The following CSMD3 variants were observed in gnomAD, a reference collection of about 807,000 sequenced individuals.
CSMD3 encodes the protein CUB and Sushi multiple domains 3.
A neutral mutation model predicts 435.2 loss-of-function variants in CSMD3; 177 were observed. That is an observed-to-expected ratio of 0.41 (90% confidence interval 0.36 to 0.46). The LOEUF (loss-of-function observed/expected upper bound fraction) is 0.46, where lower values mean the gene tolerates loss of function less well. Among genes scored for constraint, CSMD3 ranks in the 20% least tolerant of loss-of-function variants. The probability of loss-of-function intolerance (pLI) is 0.34; values close to 1 mark genes in which losing one functional copy is unlikely to be tolerated. For missense variants in CSMD3, 4,265 were observed against 4,504.6 expected (o/e 0.95, Z 1.52); for synonymous variants, 1,656 against 1,520.5 (o/e 1.09, Z -2.07).
At chr8:112,230,514 C>T (rs886274503) in intron 69 of CSMD3, among the ~76,000 whole-genome samples, 1 of 152,132 alleles carries the variant, frequency 6.6e-6, no homozygotes, top group African/African-American at 2.4e-5. Context: ...TTTGGCTGGG[C>T]ATGGTGGCTC....
intron 32 of CSMD3, among the ~76,000 whole-genome samples, chr8:112,443,138 G>T (rs1419342388): frequency 6.6e-6 from 1 of 152,154 alleles, no homozygotes; most frequent in Non-Finnish European, 1.5e-5. Flanking sequence ...CTTATGTAAA[G>T]TGCAAAGTGG....
At chr8:113,392,043 G>C (rs1238534166) in intron 1 of CSMD3, among the ~76,000 whole-genome samples, 2 of 151,806 alleles carry the variant, frequency 1.3e-5, no homozygotes, top group African/African-American at 4.8e-5. Flanking sequence ...AGACTCAGAG[G>C]AATCACATGC....
intron 13 of CSMD3, among the ~76,000 whole-genome samples, chr8:112,752,426 T>TCA (rs1471341948): frequency 6.6e-6 from 1 of 152,132 alleles, no homozygotes; most frequent in African/African-American, 2.4e-5. Flanking sequence ...TCTCCTACCT[T>TCA]CAGACTCATG....
At chr8:112,465,473 A>T (rs916896510) in intron 32 of CSMD3, among the ~76,000 whole-genome samples, 1 of 152,124 alleles carries the variant, frequency 6.6e-6, no homozygotes, top group African/African-American at 2.4e-5. Flanking sequence ...TGAGAGGCAG[A>T]TCATGTTCAA....
chr8:112,847,516 CT>C (rs756690150), intron 11 of CSMD3, among the ~76,000 whole-genome samples: 10 of 152,144 alleles, frequency 6.6e-5, no homozygotes, highest in Non-Finnish European at 1.5e-4. Context: ...TGTCCTGCCT[CT>C]CCCACTCCCT....
chr8:113,079,396 T>C (rs1209914022), intron 5 of CSMD3, among the ~76,000 whole-genome samples: 12 of 152,124 alleles, frequency 7.9e-5, no homozygotes, highest in Admixed American at 7.2e-4. Flanking sequence ...AGTGAGACAA[T>C]GACTGGAACA....
chr8:112,442,931 G>C (rs1446833620), intron 32 of CSMD3, among the ~76,000 whole-genome samples: 2 of 152,164 alleles, frequency 1.3e-5, no homozygotes, highest in Admixed American at 1.3e-4. Context: ...TGTCTACTAT[G>C]GAACTGTTAT....
intron 41 of CSMD3, among the ~76,000 whole-genome samples, chr8:112,344,385 T>G (rs1183190755): frequency 1.3e-5 from 2 of 152,172 alleles, no homozygotes; most frequent in Non-Finnish European, 2.9e-5. Flanking sequence ...TGCCATACAT[T>G]TTATCTCCAG....
intron 4 of CSMD3, among the ~76,000 whole-genome samples, chr8:113,114,114 A>G (rs1431539401): frequency 6.6e-6 from 1 of 152,188 alleles, no homozygotes; most frequent in Non-Finnish European, 1.5e-5. Context: ...AGACAGGTAC[A>G]ATAATAATCA....
At chr8:112,919,907 T>C (rs2082683982) in intron 10 of CSMD3, among the ~76,000 whole-genome samples, 1 of 151,886 alleles carries the variant, frequency 6.6e-6, no homozygotes, top group South Asian at 2.1e-4. Context: ...TAGGAATACT[T>C]GAATTTTATA....
At chr8:112,504,990 A>G in intron 29 of CSMD3, among the ~76,000 whole-genome samples, 1 of 152,182 alleles carries the variant, frequency 6.6e-6, no homozygotes, top group East Asian at 1.9e-4. Context: ...GCATCTAAGC[A>G]ATAGATTTGT....
intron 23 of CSMD3, among the ~76,000 whole-genome samples, chr8:112,576,461 C>A (rs1055905566): frequency 6.6e-6 from 1 of 151,942 alleles, no homozygotes. Context: ...AGATCAAAAA[C>A]AAATTAACAC....
chr8:112,857,006 A>G (rs192258423), intron 11 of CSMD3, among the ~76,000 whole-genome samples: 7 of 151,966 alleles, frequency 4.6e-5, no homozygotes, highest in African/African-American at 1.4e-4. Flanking sequence ...ATGTTTTAAT[A>G]ATAAACAGAT....
chr8:112,574,135 A>T (rs576888134), intron 23 of CSMD3, among the ~76,000 whole-genome samples: 1 of 152,202 alleles, frequency 6.6e-6, no homozygotes, highest in African/African-American at 2.4e-5. Flanking sequence ...TGACATTTTT[A>T]AAATATTAAA....
intron 1 of CSMD3, among the ~76,000 whole-genome samples, chr8:113,366,442 C>T (rs1563750381): frequency 6.6e-6 from 1 of 151,918 alleles, no homozygotes; most frequent in East Asian, 1.9e-4. Context: ...AAACCAAATA[C>T]CTTACTAAGA....
At chr8:112,731,312 G>A (rs897673096) in intron 13 of CSMD3, among the ~76,000 whole-genome samples, 1 of 152,024 alleles carries the variant, frequency 6.6e-6, no homozygotes, top group African/African-American at 2.4e-5. Context: ...AATGAGAAAG[G>A]TCATACCATA....
intron 23 of CSMD3, among the ~76,000 whole-genome samples, chr8:112,585,337 A>AT (rs905597305): frequency 2.0e-5 from 3 of 151,376 alleles, no homozygotes; most frequent in African/African-American, 7.3e-5. Flanking sequence ...GAGGACATAA[A>AT]TTTTTTAACT....
chr8:113,073,825 T>A (rs1388429839), intron 5 of CSMD3, among the ~76,000 whole-genome samples: 1 of 151,800 alleles, frequency 6.6e-6, no homozygotes, highest in East Asian at 1.9e-4. Context: ...CTAATTTTAG[T>A]CCCTATGTTC....
chr8:113,368,660 A>C (rs964809556), intron 1 of CSMD3, among the ~76,000 whole-genome samples: 1 of 152,108 alleles, frequency 6.6e-6, no homozygotes, highest in Non-Finnish European at 1.5e-5. Flanking sequence ...AGCAGCAATA[A>C]CATTGGCAAA....
Sources: allele counts gnomAD v4.1 joint callset (sites outside exome capture counted in the v4.1 genomes callset), GRCh38; gene constraint gnomAD v4.1.1; transcripts MANE v1.5; gene names NCBI Gene and HGNC (gene_info 2026-07-23, HGNC 2026-07-21).